NAV3: variants seen among roughly 807,000 people sequenced by gnomAD.
NAV3 encodes the protein neuron navigator 3, also known as pore membrane and/or filament interacting like protein 1.
Under a neutral mutation model 244.7 loss-of-function variants are expected in NAV3, and 87 were observed. That is an observed-to-expected ratio of 0.36 (90% confidence interval 0.30 to 0.42). The LOEUF is 0.42. Among genes scored for constraint, NAV3 ranks in the 20% least tolerant of loss-of-function variants. NAV3 has a pLI of 1.00. For synonymous variants in NAV3, 1,126 were observed against 1,042.2 expected (o/e 1.08, Z -1.55); for missense variants, 2,663 against 2,893.3 (o/e 0.92, Z 1.83).
Position 78,177,278 on chromosome 12 carries a change from C to T in NAV3, c.5262C>T (p.Gly1754=), listed in dbSNP as rs1958274247. The change falls in exon 27 of 40, where the codon GGC becomes GGT. Residue 1754 remains glycine, a synonymous_variant. Coordinates refer to ENST00000397909, the MANE Select transcript of NAV3 (RefSeq NM_001024383.2). ...PKLPHNAGDC[G]SASMKPSQSA... is the part of the protein sequence containing the mutation. ...TACCCCATAATGCTGGTGACTGTGG[C>T]TCAGCATCCATGAAGCCCTCACAAT... The T allele has an allele frequency of 1.9e-6, 3 of 1,613,372 alleles. No individual in the cohort carries two copies. The highest frequency in any genetic ancestry group is 2.5e-6 in the Non-Finnish European group (3 of 1,179,604).
In NAV3 at chr12:77,782,321, T is replaced by C. The variant is rs533262443; in HGVS notation, c.73-157998T>C. Among the ~76,000 whole-genome samples the C allele has an allele frequency of 1.9e-4, 28 of 147,454 alleles. 1 individual carries two copies. In the South Asian group the frequency reaches 6.5e-3, roughly 34 times the overall value. Reference sequence around the variant, plus strand: ...TTCCCTTCCTTTCCCTTTCCTTCCTTCTTTTCTTCTCCCCTCCCTCCCTCC... The same window carrying C: ...TTCCCTTCCTTTCCCTTTCCTTCCTCCTTTTCTTCTCCCCTCCCTCCCTCC... On this transcript the variant is annotated intron_variant, in intron 2 of 8. Transcript: ENST00000550042.
chr12:77,745,859 C>G (rs1360406998), intron 2 of NAV3, among the ~76,000 whole-genome samples: 4 of 151,800 alleles, frequency 2.6e-5, no homozygotes, highest in Admixed American at 1.3e-4. Context: ...AATGGAATAA[C>G]AGTGAACTCT....
chr12:78,185,074 C>T (rs1050285859), intron 30 of NAV3, among the ~76,000 whole-genome samples: 2 of 151,598 alleles, frequency 1.3e-5, no homozygotes, highest in East Asian at 3.9e-4. Context: ...CAGTATAATG[C>T]CACAGTTGAA....
At chr12:78,035,175 T>C (rs987289211) in intron 9 of NAV3, among the ~76,000 whole-genome samples, 2 of 152,244 alleles carry the variant, frequency 1.3e-5, no homozygotes, top group Non-Finnish European at 2.9e-5. Context: ...AGTTATGAGA[T>C]TGGGTATTTC....
chr12:78,027,936 AG>A (rs1381606936), intron 9 of NAV3, among the ~76,000 whole-genome samples: 36 of 151,148 alleles, frequency 2.4e-4, no homozygotes, highest in Non-Finnish European at 4.6e-4. Flanking sequence ...TAAGAAAAAA[AG>A]GAAGCGTTTT....
chr12:77,931,025 T>A (rs1345420683), intron 1 of NAV3, among the ~76,000 whole-genome samples: 2 of 151,968 alleles, frequency 1.3e-5, no homozygotes, highest in African/African-American at 4.8e-5. Context: ...TTGTTATCAA[T>A]TTTTATCTTC....
intron 2 of NAV3, among the ~76,000 whole-genome samples, chr12:77,775,056 A>C (rs1262704190): frequency 1.3e-5 from 2 of 152,188 alleles, no homozygotes; most frequent in African/African-American, 4.8e-5. Context: ...ACCATTTTAT[A>C]TCAGGAGCTA....
rs1473738423 is a variant in NAV3, at chr12:78,200,544, T to A, written c.6787T>A (p.Tyr2263Asn). The change falls in exon 38 of 40, where the codon TAT becomes AAT. Residue 2263 changes from tyrosine to asparagine, a missense_variant. Physicochemically the swap from Tyr to Asn is moderately radical, Grantham distance 143 (BLOSUM62 -2). This residue lies in a region of NAV3 where 543 missense variants were observed against 672.4 expected (regional missense o/e 0.81). Transcript: ENST00000397909. ...AGTATGGTTCATGGATCTCTGGAAC[T>A]ATTCTTTAGTACCTTATATTCTGGA... The part of the protein sequence containing the change: ...SRVWFMDLWN[Y>N]SLVPYILEAV... 6.2e-7 allele frequency: 1 copy of A among 1,601,886 alleles called. No individual in the cohort carries two copies. Among genetic ancestry groups the A allele is most frequent in the African/African-American group, 1.3e-5 (1 of 74,650 alleles).
At chr12:77,726,017 C>T (rs1361132178) in intron 2 of NAV3, among the ~76,000 whole-genome samples, 1 of 151,914 alleles carries the variant, frequency 6.6e-6, no homozygotes, top group Non-Finnish European at 1.5e-5. Flanking sequence ...TACATTGGGC[C>T]TAACCGGATA....
At chr12:77,645,303 G>A (rs1468999553) in intron 2 of NAV3, among the ~76,000 whole-genome samples, 1 of 151,532 alleles carries the variant, frequency 6.6e-6, no homozygotes, top group African/African-American at 2.4e-5. Flanking sequence ...GGTATCCATT[G>A]AGAAATGGAA....
chr12:77,860,756 C>A (rs920840544), intron 1 of NAV3, among the ~76,000 whole-genome samples: 2 of 151,776 alleles, frequency 1.3e-5, no homozygotes, highest in Admixed American at 6.6e-5. Flanking sequence ...GATTTTAAAG[C>A]CAAATGGGCA....
At chr12:77,932,901 T>C (rs1397184126) in intron 1 of NAV3, among the ~76,000 whole-genome samples, 2 of 152,194 alleles carry the variant, frequency 1.3e-5, no homozygotes, top group Admixed American at 6.5e-5. Flanking sequence ...ATCATGAGGC[T>C]ATTTCATAGC....
intron 1 of NAV3, among the ~76,000 whole-genome samples, chr12:77,844,961 G>A (rs369352192): frequency 6.6e-5 from 10 of 152,232 alleles, no homozygotes; most frequent in East Asian, 5.8e-4. Flanking sequence ...AAATAAAAGC[G>A]TACTGTTATA....
rs376106219 is a variant in NAV3, at chr12:78,154,062, A to G, written c.4786-5141A>G. ...TATGTTTTATATTTATACATAATAT[A>G]CTATATATTTATACATGATATACTA... On this transcript the variant is annotated intron_variant, in intron 22 of 39. Transcript: ENST00000397909. Among the ~76,000 whole-genome samples, 12 of 147,064 alleles carry G rather than the reference A, an allele frequency of 8.2e-5. No individual in the cohort carries two copies. The South Asian group carries it at 1.3e-3, about 15-fold the overall frequency.
intron 2 of NAV3, among the ~76,000 whole-genome samples, chr12:77,643,162 C>T (rs1872489769): frequency 1.3e-5 from 2 of 151,888 alleles, no homozygotes; most frequent in African/African-American, 2.4e-5. Context: ...TTAAATTCCT[C>T]GTATGTTCTG....
chr12:78,069,303 T>C (rs1233155556), intron 12 of NAV3, among the ~76,000 whole-genome samples: 2 of 152,016 alleles, frequency 1.3e-5, no homozygotes, highest in African/African-American at 2.4e-5. Context: ...AACTAAATCG[T>C]TTTTTATTAC....
chr12:78,092,164 G>T (rs1460675754), intron 12 of NAV3, among the ~76,000 whole-genome samples: 2 of 152,082 alleles, frequency 1.3e-5, no homozygotes, highest in Non-Finnish European at 2.9e-5. Context: ...TTCAAATTCA[G>T]GGTTACTTTA....
chr12:77,932,212 T>A (rs1480391368), intron 1 of NAV3, among the ~76,000 whole-genome samples: 1 of 152,170 alleles, frequency 6.6e-6, no homozygotes, highest in African/African-American at 2.4e-5. Flanking sequence ...TTCATTTCCA[T>A]GCCTTTACCT....
In NAV3 at chr12:78,007,233, A is replaced by G. The variant is rs2136592865; in HGVS notation, c.1695A>G (p.Leu565=). The change falls in exon 8 of 40, where the codon TTA becomes TTG. Residue 565 remains leucine, a synonymous_variant. Transcript: ENST00000397909. ...CCAAGGGGAGCCCTTCCCAGTCCTT[A>G]TCTAAGCCTATAACCATGGAGAAAG... ...RTTKGSPSQS[L]SKPITMEKAS... The G allele has an allele frequency of 6.2e-7, 1 of 1,614,166 alleles. No individual in the cohort carries two copies. Among genetic ancestry groups the G allele is most frequent in the Non-Finnish European group, 8.5e-7 (1 of 1,180,026 alleles).
Sources: allele counts gnomAD v4.1 joint callset (sites outside exome capture counted in the v4.1 genomes callset), GRCh38; gene constraint gnomAD v4.1.1; regional missense constraint gnomAD v4.1.1; transcripts MANE v1.5; gene names NCBI Gene and HGNC (gene_info 2026-07-23, HGNC 2026-07-21).